The following ANO7 variants were observed in gnomAD, a reference collection of about 807,000 sequenced individuals.
ANO7 encodes anoctamin-7.
ANO7 carries 114 observed loss-of-function variants against 115.8 expected under a neutral mutation model. The ratio of observed to expected loss-of-function variants is 0.98; its 90% CI spans 0.85 to 1.15. The LOEUF (loss-of-function observed/expected upper bound fraction) is 1.15, where lower values mean the gene tolerates loss of function less well. Among genes scored for constraint, ANO7 ranks in the 50% most tolerant of loss-of-function variants. The pLI is 0.00. For missense variants in ANO7, 1,302 were observed against 1,201.2 expected (o/e 1.08, Z -1.24); for synonymous variants, 550 against 498.2 (o/e 1.10, Z -1.38).
At chr2:241,239,544 G>T in the ANO7 span, 4 of 1,417,876 alleles carry the variant, frequency 2.8e-6, no homozygotes, top group Non-Finnish European at 4.0e-6. The surrounding 1 kb of genome is among the most constrained non-coding windows in gnomAD (Gnocchi z 4.6). Context: ...CTCATACACG[G>T]CTTCGGTGAG....
At chr2:241,234,545 C>T in the ANO7 span, among the ~76,000 whole-genome samples, 2 of 152,350 alleles carry the variant, frequency 1.3e-5, no homozygotes, top group East Asian at 3.9e-4. Context: ...CTTAGCAAAC[C>T]AGCACCCCAG....
chr2:241,203,334 G>T lies in ANO7; in HGVS notation c.725G>T (p.Gly242Val), dbSNP rs768092701. ...VLSAAFPLHD[G>V]PFKTPPEGPQ... ...CACCCACAGGCCGCTCGCCCCCAGG[G>T]CCCCTTCAAGACGCCCCCAGAGGGC... Residue 242 changes from glycine (G) to valine (V), a missense_variant and splice_region_variant, in exon 9 of 25, where the codon GGC (glycine) becomes GTC (valine). Gly to Val is a moderately radical substitution (Grantham distance 109). Transcript: ENST00000674324. This position sits in a 1 kb window ranked among gnomAD's most constrained non-coding sequence, Gnocchi z 4.8. 9 of 1,535,658 alleles carry T rather than the reference G, an allele frequency of 5.9e-6. No homozygotes were observed. The highest frequency in any genetic ancestry group is 7.9e-6 in the Non-Finnish European group (9 of 1,142,762).
At chr2:241,231,092 T>C in the ANO7 span, 1 of 691,084 alleles carries the variant, frequency 1.4e-6, no homozygotes, top group Admixed American at 2.6e-5. Context: ...AGGTTAACAA[T>C]GTCCACTCAG....
At chr2:241,240,021 A>G in the ANO7 span, 39 of 1,614,094 alleles carry the variant, frequency 2.4e-5, no homozygotes, top group African/African-American at 4.1e-4. The surrounding 1 kb of genome is among the most constrained non-coding windows in gnomAD (Gnocchi z 5.5). Context: ...CACGTGCTCC[A>G]GTGCTGTCGC....
intron 21 of ANO7, among the ~76,000 whole-genome samples, chr2:241,219,791 C>T (rs1298966113): frequency 1.4e-5 from 2 of 146,112 alleles, no homozygotes; most frequent in African/African-American, 5.1e-5. Context: ...GTTACTCAGG[C>T]TAGTCTCAAA....
intron 4 of ANO7, chr2:241,196,314 G>A (rs1043459836): frequency 5.2e-5 from 22 of 421,970 alleles, no homozygotes; most frequent in African/African-American, 2.6e-4. Flanking sequence ...GGAACTAGGC[G>A]TGAGGATGCT....
intron 3 of ANO7, among the ~76,000 whole-genome samples, chr2:241,194,923 C>T (rs1292168303): frequency 2.0e-5 from 3 of 152,184 alleles, no homozygotes; most frequent in South Asian, 2.1e-4. Flanking sequence ...GTGTGGCCTG[C>T]GAGTCTCTGC....
In ANO7 at chr2:241,195,852, G is replaced by T; in HGVS notation, c.309+7G>T. 1 of 1,614,208 alleles carries T rather than the reference G, an allele frequency of 6.2e-7. No individual in the cohort carries two copies. Among genetic ancestry groups the T allele is most frequent in the South Asian group, 1.1e-5 (1 of 91,086 alleles). On this transcript the variant is annotated splice_region_variant and intron_variant, in intron 4 of 24. Transcript: ENST00000674324. ...TGGGCTGTGTGTAGACCAGGTACGT[G>T]GAGGCTGTCATGGGCAGGGCCCTAG... is the stretch of plus-strand genomic sequence containing the variant.
downstream of ANO7, chr2:241,229,525 G>T: frequency 3.7e-6 from 4 of 1,080,520 alleles, no homozygotes; most frequent in Non-Finnish European, 2.8e-6. Flanking sequence ...TCCAGCCGCT[G>T]GGTCAGATTG....
At chr2:241,239,329 T>C in the ANO7 span, among the ~76,000 whole-genome samples, 1 of 152,172 alleles carries the variant, frequency 6.6e-6, no homozygotes, top group Non-Finnish European at 1.5e-5. The surrounding 1 kb of genome is among the most constrained non-coding windows in gnomAD (Gnocchi z 4.6). Context: ...TTTCTCTTGC[T>C]TTCTTTCCTC....
intron 21 of ANO7, among the ~76,000 whole-genome samples, chr2:241,218,929 G>A (rs956595754): frequency 6.6e-6 from 1 of 152,234 alleles, no homozygotes; most frequent in Non-Finnish European, 1.5e-5. Context: ...AGTAGTTTTG[G>A]TCAGGGGTTA....
rs1481951172 is a variant in ANO7 at position 241,203,284 on chromosome 2, AG to A, written c.724-48del. ...AGCCCCTGCACCTACAACAGTGCCC[AG>A]TGGGGTCAGCTGGGGGAGCCTCCCA... On this transcript the variant is annotated intron_variant, in intron 8 of 24. Coordinates refer to ENST00000674324, the MANE Select transcript of ANO7 (RefSeq NM_001370694.2). This position sits in a 1 kb window ranked among gnomAD's most constrained non-coding sequence, Gnocchi z 4.8. 7.0e-7 allele frequency: 1 copy of A among 1,436,330 alleles called. No individual in the cohort carries two copies. The highest frequency in any genetic ancestry group is 2.6e-5 in the East Asian group (1 of 38,044). 89.0% of individuals were successfully genotyped at this position (1,436,330 alleles called of 1,614,324 possible).
chr2:241,190,266 T>C (rs2068166092), intron 2 of ANO7, 95 bp downstream of exon 2: 1 of 1,089,050 alleles, frequency 9.2e-7, no homozygotes, highest in Non-Finnish European at 1.3e-6. Flanking sequence ...TGGGGGTGGA[T>C]GGGCATCACC....
downstream of ANO7, chr2:241,229,715 G>A (rs1312579527): frequency 2.5e-6 from 4 of 1,612,140 alleles, no homozygotes; most frequent in South Asian, 1.1e-5. Flanking sequence ...ACGGCTTCAG[G>A]AGGGGATGCT....
Position 241,224,154 on chromosome 2 carries a change from C to G in ANO7, c.*1C>G, listed in dbSNP as rs116160757. ...CAAGGCCAGCCAGCTGCAGCAGTGA[C>G]GCCTGGAAGGACATCTGGTGGTCCT... On this transcript the variant is annotated 3_prime_UTR_variant, in exon 25 of 25. Transcript: ENST00000674324. The G allele has an allele frequency of 5.0e-6, 8 of 1,599,884 alleles. No homozygotes were observed. In the Admixed American group the frequency reaches 1.2e-4, roughly 23 times the overall value.
chr2:241,236,528 C>T, the ANO7 span: 62 of 1,383,154 alleles, frequency 4.5e-5, no homozygotes, highest in Admixed American at 2.0e-4. Context: ...CTTGGGCAAC[C>T]GTCCATCCCA....
At position 241,203,516 on chromosome 2, in the gene ANO7, C is replaced by T. The variant is rs781722948; in HGVS notation, c.889+18C>T. On this transcript the variant is annotated intron_variant, in intron 9 of 24. Transcript: ENST00000674324. The surrounding 1 kb of genome is among the most constrained non-coding windows in gnomAD (Gnocchi z 4.8). ...CTGGCTCGGTGAGTCCCCCCCGCTG[C>T]CCCCCAGACCACCTGGGCCCCCCCA... The T allele has an allele frequency of 2.1e-6, 3 of 1,439,950 alleles. No homozygotes were observed. The highest frequency in any genetic ancestry group is 9.2e-7 in the Non-Finnish European group (1 of 1,091,508). The allele number at this position is 1,439,950 out of a possible 1,614,324, so 89.2% of individuals were successfully genotyped here.
intron 19 of ANO7, among the ~76,000 whole-genome samples, chr2:241,217,406 A>G (rs1181247727): frequency 1.3e-5 from 2 of 152,214 alleles, no homozygotes; most frequent in South Asian, 2.1e-4. Flanking sequence ...TTCTGCCCCA[A>G]CGCCTGCCCT....
intron 17 of ANO7, among the ~76,000 whole-genome samples, chr2:241,214,269 G>C (rs971511656): frequency 1.3e-5 from 2 of 152,208 alleles, no homozygotes; most frequent in South Asian, 4.1e-4. Flanking sequence ...TCAGGGCTAC[G>C]CGGGCTTAGG....
Sources: allele counts gnomAD v4.1 joint callset (sites outside exome capture counted in the v4.1 genomes callset), GRCh38; gene constraint gnomAD v4.1.1; non-coding constraint Gnocchi (gnomAD v3.1); transcripts MANE v1.5; gene names NCBI Gene and HGNC (gene_info 2026-07-23, HGNC 2026-07-21).